Variants in KCNQ5 observed in about 807,000 individuals in gnomAD.
KCNQ5 encodes the protein potassium voltage-gated channel subfamily Q member 5.
KCNQ5 carries 30 observed loss-of-function variants against 98.2 expected under a neutral mutation model. That is an observed-to-expected ratio of 0.31 (90% CI 0.23 to 0.41). KCNQ5 has a LOEUF of 0.41. KCNQ5 is among the 10% of genes least tolerant of loss of function. The probability of loss-of-function intolerance (pLI) is 1.00; values close to 1 mark genes in which losing one functional copy is unlikely to be tolerated. For missense variants in KCNQ5, 835 were observed against 1,182.5 expected, an observed-to-expected ratio of 0.71 and a Z score of 4.31; for synonymous variants, 458 against 449.4, an observed-to-expected ratio of 1.02 and a Z score of -0.24.
chr6:72,943,816 C>G (rs1485011432), intron 1 of KCNQ5, among the ~76,000 whole-genome samples: 2 of 152,204 alleles, frequency 1.3e-5, no homozygotes, highest in Non-Finnish European at 2.9e-5. Context: ...TAAGATTTAG[C>G]TCCTACTTTG....
intron 1 of KCNQ5, among the ~76,000 whole-genome samples, chr6:72,717,344 G>T (rs1769696883): frequency 6.6e-6 from 1 of 152,144 alleles, no homozygotes; most frequent in African/African-American, 2.4e-5. Context: ...ATTTTAAGGT[G>T]ATGGATATGC....
intron 1 of KCNQ5, among the ~76,000 whole-genome samples, chr6:72,736,726 C>G (rs572834643): frequency 1.3e-5 from 2 of 151,320 alleles, no homozygotes; most frequent in Non-Finnish European, 2.9e-5. Context: ...GTCTCGATCT[C>G]CTGACCTCGT....
intron 1 of KCNQ5, among the ~76,000 whole-genome samples, chr6:72,900,509 A>G (rs1779452500): frequency 1.4e-5 from 2 of 148,078 alleles, no homozygotes; most frequent in South Asian, 2.1e-4. Context: ...CATCATATAT[A>G]TATATATTTA....
chr6:72,896,250 A>G (rs995676992), intron 1 of KCNQ5, among the ~76,000 whole-genome samples: 3 of 152,186 alleles, frequency 2.0e-5, no homozygotes, highest in Non-Finnish European at 4.4e-5. Context: ...TTGAGTAGCC[A>G]TAGTAGATAT....
chr6:73,152,766 G>T (rs1327178983), intron 10 of KCNQ5, among the ~76,000 whole-genome samples: 3 of 152,150 alleles, frequency 2.0e-5, no homozygotes, highest in African/African-American at 4.8e-5. Context: ...AACCACTTTT[G>T]GGGGAATTCC....
intron 3 of KCNQ5, among the ~76,000 whole-genome samples, chr6:73,063,663 TA>T (rs1246910622): frequency 4.5e-4 from 26 of 58,332 alleles, no homozygotes; most frequent in Admixed American, 3.5e-3. Flanking sequence ...GATAGATAGA[TA>T]GATGATAGAT....
intron 1 of KCNQ5, among the ~76,000 whole-genome samples, chr6:72,971,307 C>G (rs1170145480): frequency 6.6e-6 from 1 of 152,202 alleles, no homozygotes; most frequent in Non-Finnish European, 1.5e-5. Flanking sequence ...TACCATCTCA[C>G]ACCAGTTAGA....
intron 1 of KCNQ5, among the ~76,000 whole-genome samples, chr6:72,668,885 A>C (rs1265099525): frequency 6.6e-6 from 1 of 151,912 alleles, no homozygotes; most frequent in Non-Finnish European, 1.5e-5. Flanking sequence ...CTATTGGATT[A>C]TGGCCAGGCC....
chr6:72,971,381 C>G (rs973490084), intron 1 of KCNQ5, among the ~76,000 whole-genome samples: 19 of 152,328 alleles, frequency 1.2e-4, no homozygotes, highest in African/African-American at 4.6e-4. Context: ...AACAGGAACA[C>G]TTTTACACTG....
In KCNQ5 at chr6:73,122,841, T is replaced by C. The variant is rs183783300; in HGVS notation, c.1221-1645T>C. Among the ~76,000 whole-genome samples, 325 of 152,350 alleles carry C rather than the reference T, an allele frequency of 2.1e-3. 1 individual carries two copies. Among genetic ancestry groups the C allele is most frequent in the African/African-American group, 7.0e-3 (293 of 41,598 alleles). ...AGTCCCTGAAGCCAAGTTCAAACTT[T>C]TGTTTTACAAAGCAAACTTGCTTTA... is the stretch of plus-strand genomic sequence containing the variant. On this transcript the variant is annotated intron_variant, in intron 8 of 13. Coordinates refer to ENST00000370398, the MANE Select transcript of KCNQ5 (RefSeq NM_019842.4).
intron 1 of KCNQ5, among the ~76,000 whole-genome samples, chr6:72,628,962 T>A (rs1321389663): frequency 5.9e-5 from 9 of 152,130 alleles, no homozygotes; most frequent in African/African-American, 2.2e-4. Flanking sequence ...CCTCCTCTGC[T>A]TGGAGGAGGA....
chr6:72,928,936 A>G (rs1397794730), intron 1 of KCNQ5, among the ~76,000 whole-genome samples: 1 of 152,146 alleles, frequency 6.6e-6, no homozygotes, highest in Non-Finnish European at 1.5e-5. Flanking sequence ...AGATATAAAG[A>G]TAAGTAAGAC....
At chr6:72,679,006 GT>G (rs1448686075) in intron 1 of KCNQ5, among the ~76,000 whole-genome samples, 20 of 152,164 alleles carry the variant, frequency 1.3e-4, no homozygotes, top group Admixed American at 1.2e-3. Flanking sequence ...TGGAAACCAA[GT>G]TGAGATTTAT....
chr6:72,795,775 T>C (rs995939611), intron 1 of KCNQ5, among the ~76,000 whole-genome samples: 3 of 152,200 alleles, frequency 2.0e-5, no homozygotes, highest in African/African-American at 7.2e-5. Context: ...TTTAATCTGA[T>C]TTTCCCCATC....
intron 1 of KCNQ5, among the ~76,000 whole-genome samples, chr6:72,790,478 A>G (rs1366145988): frequency 6.6e-6 from 1 of 152,202 alleles, no homozygotes; most frequent in Non-Finnish European, 1.5e-5. Flanking sequence ...GATAGAGAAT[A>G]AAAGGATAGT....
intron 1 of KCNQ5, among the ~76,000 whole-genome samples, chr6:72,848,048 A>G (rs926218356): frequency 1.4e-4 from 22 of 152,078 alleles, no homozygotes; most frequent in African/African-American, 4.3e-4. Flanking sequence ...AAAGCATCCA[A>G]TTTTAAAGGA....
chr6:72,697,741 TG>T (rs1271840754), intron 1 of KCNQ5, among the ~76,000 whole-genome samples: 1 of 152,226 alleles, frequency 6.6e-6, no homozygotes, highest in Non-Finnish European at 1.5e-5. Flanking sequence ...CCTGTTATAT[TG>T]TTTTATTAAA....
intron 1 of KCNQ5, among the ~76,000 whole-genome samples, chr6:72,975,474 A>C (rs773095494): frequency 6.6e-6 from 1 of 152,076 alleles, no homozygotes; most frequent in Non-Finnish European, 1.5e-5. Flanking sequence ...GCTGGCTTTC[A>C]GCTTTCTTTT....
At chr6:73,190,434 T>A (rs1296372623) in intron 11 of KCNQ5, 139 bp from the exon 12 acceptor site, 1 of 395,572 alleles carries the variant, frequency 2.5e-6, no homozygotes, top group East Asian at 3.9e-5. Context: ...GCTTTTATAT[T>A]ACACATCTGC....
Sources: allele counts gnomAD v4.1 joint callset (sites outside exome capture counted in the v4.1 genomes callset), GRCh38; gene constraint gnomAD v4.1.1; transcripts MANE v1.5; gene names NCBI Gene and HGNC (gene_info 2026-07-23, HGNC 2026-07-21).